Variants in LYPLA1 observed in about 807,000 individuals in gnomAD.
The protein encoded by LYPLA1 is lysophospholipase 1, also known as acyl-protein thioesterase 1.
Under a neutral mutation model 34.0 loss-of-function variants are expected in LYPLA1, and 17 were observed. The observed-to-expected ratio is 0.50, with a 90% CI of 0.34 to 0.75. LYPLA1 has a LOEUF of 0.75. LYPLA1 is among the 30% of genes least tolerant of loss of function. The pLI is 0.01. For synonymous variants in LYPLA1, 98 were observed against 100.8 expected (o/e 0.97, Z 0.17); for missense variants, 203 against 288.8 (o/e 0.70, Z 2.15).
At chr8:54,066,173 G>A (rs1244594560) in intron 2 of LYPLA1, among the ~76,000 whole-genome samples, 3 of 152,020 alleles carry the variant, frequency 2.0e-5, no homozygotes, top group Non-Finnish European at 2.9e-5. Context: ...TCCTGACCTC[G>A]TGATCCGCTC....
chr8:54,092,821 A>AAAAAC (rs752243466), intron 2 of LYPLA1, among the ~76,000 whole-genome samples: 14 of 152,160 alleles, frequency 9.2e-5, no homozygotes, highest in South Asian at 2.1e-4. Context: ...GTCTCTACTT[A>AAAAAC]AAAACAAAAC....
At chr8:54,064,531 T>G (rs1047598059) in intron 3 of LYPLA1, among the ~76,000 whole-genome samples, 6 of 152,226 alleles carry the variant, frequency 3.9e-5, no homozygotes, top group Non-Finnish European at 7.3e-5. Flanking sequence ...ACAGACTGTA[T>G]TTCAGGATAA....
At chr8:54,043,781 G>A (rs550280595), downstream of LYPLA1, among the ~76,000 whole-genome samples, 109 of 151,814 alleles carry the variant, frequency 7.2e-4, no homozygotes, top group Non-Finnish European at 2.7e-4. Context: ...GGCTGGTCTC[G>A]AACTCCTGAC....
chr8:54,097,107 C>T (rs1290355370), intron 2 of LYPLA1, among the ~76,000 whole-genome samples: 2 of 152,086 alleles, frequency 1.3e-5, no homozygotes, highest in East Asian at 1.9e-4. Context: ...GCTTGATGAA[C>T]AACTTGCATA....
intron 2 of LYPLA1, among the ~76,000 whole-genome samples, chr8:54,080,425 T>C (rs375911082): frequency 3.5e-4 from 54 of 152,314 alleles, no homozygotes; most frequent in African/African-American, 1.2e-3. Context: ...TCAATTATGT[T>C]CCTCAAAACA....
intron 2 of LYPLA1, among the ~76,000 whole-genome samples, chr8:54,091,117 A>C (rs1809213430): frequency 6.6e-6 from 1 of 151,970 alleles, no homozygotes; most frequent in Non-Finnish European, 1.5e-5. Context: ...CCATCCTCCC[A>C]CCTCAGCTTC....
chr8:54,060,769 T>C (rs1806559986), intron 5 of LYPLA1, among the ~76,000 whole-genome samples: 2 of 146,424 alleles, frequency 1.4e-5, no homozygotes, highest in African/African-American at 2.5e-5. Context: ...CTCAGCTCAC[T>C]GCAACCTCCA....
intron 2 of LYPLA1, among the ~76,000 whole-genome samples, chr8:54,074,042 G>A (rs554934463): frequency 1.4e-4 from 21 of 152,302 alleles, no homozygotes; most frequent in African/African-American, 4.1e-4. Flanking sequence ...TGGGGAGGCC[G>A]AGGTGGGCGG....
At chr8:54,075,711 C>G (rs1807844816) in intron 2 of LYPLA1, among the ~76,000 whole-genome samples, 1 of 152,078 alleles carries the variant, frequency 6.6e-6, no homozygotes, top group Non-Finnish European at 1.5e-5. Context: ...GCAATAATGC[C>G]TAGATGTAAT....
intron 2 of LYPLA1, among the ~76,000 whole-genome samples, chr8:54,079,800 G>GAAAT (rs569962405): frequency 2.4e-3 from 359 of 151,426 alleles, no homozygotes; most frequent in South Asian, 5.4e-3. Context: ...GTTTCCCCCT[G>GAAAT]AAATAAATAA....
intron 2 of LYPLA1, among the ~76,000 whole-genome samples, chr8:54,074,650 A>G (rs1326755276): frequency 6.6e-6 from 1 of 152,248 alleles, no homozygotes; most frequent in Non-Finnish European, 1.5e-5. Context: ...ACGCAGATAC[A>G]GCATTACCTG....
At chr8:54,045,306 G>GT (rs1805450987), downstream of LYPLA1, among the ~76,000 whole-genome samples, 2 of 152,212 alleles carry the variant, frequency 1.3e-5, no homozygotes, top group Admixed American at 1.3e-4. Context: ...AAATGCAGCA[G>GT]TAAGAGTGGC....
intron 2 of LYPLA1, 170 bp downstream of exon 2, chr8:54,100,738 G>C: frequency 1.6e-6 from 1 of 621,486 alleles, no homozygotes; most frequent in Non-Finnish European, 2.9e-6. Context: ...GATGATAAGG[G>C]GAAAATTCTG....
At chr8:54,101,730 C>G in intron 1 of LYPLA1, 25 bp downstream of exon 1, 1 of 1,292,078 alleles carries the variant, frequency 7.7e-7, no homozygotes, top group Non-Finnish European at 9.9e-7. Context: ...GTGGACCCCT[C>G]CGAGCCCACG....
intron 6 of LYPLA1, chr8:54,053,744 T>G (rs1586077797): frequency 2.2e-6 from 1 of 456,192 alleles, no homozygotes; most frequent in South Asian, 1.5e-5. Flanking sequence ...TATGGAAAGG[T>G]AAATGAAACA....
chr8:54,101,402 G>GT (rs1002933297), intron 1 of LYPLA1: 189 of 1,058,472 alleles, frequency 1.8e-4, no homozygotes, highest in Non-Finnish European at 2.0e-4. Flanking sequence ...AGAGTGCGAG[G>GT]TGACAATAAG....
intron 2 of LYPLA1, among the ~76,000 whole-genome samples, chr8:54,080,795 C>A (rs1046893677): frequency 1.1e-4 from 16 of 152,220 alleles, no homozygotes; most frequent in African/African-American, 3.6e-4. Flanking sequence ...ACCATGTTGG[C>A]CAGACTGGTC....
At chr8:54,092,543 C>T (rs1367861747) in intron 2 of LYPLA1, among the ~76,000 whole-genome samples, 1 of 152,056 alleles carries the variant, frequency 6.6e-6, no homozygotes, top group Admixed American at 6.5e-5. Flanking sequence ...GTTTTCCCAT[C>T]CATAACCAGG....
At position 54,055,675 on chromosome 8, in the gene LYPLA1, G is replaced by A. The variant is rs981538546; in HGVS notation, c.287-542C>T. Among the ~76,000 whole-genome samples, 14 of 145,462 alleles carry A rather than the reference G, an allele frequency of 9.6e-5. 1 individual carries two copies. Among genetic ancestry groups the A allele is most frequent in the African/African-American group, 2.3e-4 (9 of 38,564 alleles). ...TTTTTTTTTTTTGAGACAAAGTCTC[G>A]CTCTGTCACCCAGGCTGGAGTGCAG... On this transcript the variant is annotated intron_variant, in intron 5 of 8. Transcript: ENST00000316963.
Sources: allele counts gnomAD v4.1 joint callset (sites outside exome capture counted in the v4.1 genomes callset), GRCh38; gene constraint gnomAD v4.1.1; transcripts MANE v1.5; gene names NCBI Gene and HGNC (gene_info 2026-07-23, HGNC 2026-07-21).